The following TFEC variants were observed in gnomAD, a reference collection of about 807,000 sequenced individuals.
The protein encoded by TFEC is transcription factor EC.
Under a neutral mutation model 41.6 loss-of-function variants are expected in TFEC, and 31 were observed. That is an observed-to-expected ratio of 0.74 (90% CI 0.56 to 1.01). The LOEUF (loss-of-function observed/expected upper bound fraction) is 1.01, where lower values mean the gene tolerates loss of function less well. Among genes scored for constraint, TFEC ranks in the 50% least tolerant of loss-of-function variants. The pLI, the probability that TFEC is intolerant of heterozygous loss-of-function variation, is 0.00. For missense variants in TFEC, 402 were observed against 404.1 expected, an observed-to-expected ratio of 0.99 and a Z score of 0.04; for synonymous variants, 143 against 140.6, an observed-to-expected ratio of 1.02 and a Z score of -0.12.
chr7:115,998,926 C>T (rs1203375286), intron 1 of TFEC, among the ~76,000 whole-genome samples: 2 of 151,936 alleles, frequency 1.3e-5, no homozygotes, highest in Non-Finnish European at 2.9e-5. Context: ...AAGAGATCAT[C>T]CACACAGAAA....
At position 116,095,217 on chromosome 7, in the gene TFEC, CTT is replaced by C. The variant is rs563838970; in HGVS notation, c.198+15489_198+15490del. On this transcript the variant is annotated intron_variant, in intron 3 of 8. Coordinates refer to the TFEC transcript ENST00000484212. Reference sequence around the variant, plus strand: ...CCATAAAACCACTGAATTTTCAAAACTTTTTTGCCTTAACTCACCTTAAATCC... The same window carrying C: ...CCATAAAACCACTGAATTTTCAAAACTTTTGCCTTAACTCACCTTAAATCC... Among the ~76,000 whole-genome samples, 705 of 152,232 alleles carry C rather than the reference CTT, an allele frequency of 4.6e-3. 1 individual carries two copies. The highest frequency in any genetic ancestry group is 8.5e-3 in the Non-Finnish European group (580 of 68,010).
intron 3 of TFEC, among the ~76,000 whole-genome samples, chr7:115,961,448 T>C (rs990494120): frequency 6.6e-6 from 1 of 151,522 alleles, no homozygotes; most frequent in Non-Finnish European, 1.5e-5. Context: ...TAATAAATGA[T>C]AAAAATAGAT....
intron 3 of TFEC, among the ~76,000 whole-genome samples, chr7:116,078,601 T>C (rs932060410): frequency 2.0e-5 from 3 of 152,024 alleles, no homozygotes; most frequent in African/African-American, 4.8e-5. Context: ...GGATAAATTC[T>C]TGGAAATATA....
chr7:116,098,044 G>C (rs939807176), intron 3 of TFEC, among the ~76,000 whole-genome samples: 4 of 152,156 alleles, frequency 2.6e-5, no homozygotes, highest in African/African-American at 9.6e-5. Flanking sequence ...TCAATCAAAA[G>C]ATAGAGATTA....
chr7:116,152,748 T>G (rs1798786703), intron 1 of TFEC, among the ~76,000 whole-genome samples: 1 of 152,200 alleles, frequency 6.6e-6, no homozygotes, highest in Admixed American at 6.5e-5. Context: ...ATAAATATGT[T>G]TCTGAGCGAC....
At chr7:116,025,868 T>G (rs909744226) in intron 1 of TFEC, among the ~76,000 whole-genome samples, 1 of 152,208 alleles carries the variant, frequency 6.6e-6, no homozygotes, top group Admixed American at 6.5e-5. Context: ...TCTCTCTTCT[T>G]GCCAAAGGTA....
chr7:115,954,535 C>T (rs1317745591), intron 5 of TFEC, 51 bp downstream of exon 5: 14 of 1,504,882 alleles, frequency 9.3e-6, no homozygotes, highest in Non-Finnish European at 1.1e-5. Context: ...ACACCTTAAC[C>T]TCTATGCATT....
intron 3 of TFEC, chr7:115,968,359 T>G: frequency 1.4e-6 from 2 of 1,393,302 alleles, no homozygotes; most frequent in Non-Finnish European, 1.9e-6. Flanking sequence ...CTTGTCTAGA[T>G]TGTGATTGAC....
chr7:116,131,583 GAA>G (rs1798333687), intron 1 of TFEC, among the ~76,000 whole-genome samples: 1 of 151,896 alleles, frequency 6.6e-6, no homozygotes, highest in Admixed American at 6.6e-5. Flanking sequence ...TTGCCTCATA[GAA>G]AGAGTCCTCA....
intron 1 of TFEC, among the ~76,000 whole-genome samples, chr7:116,128,448 T>C (rs568421237): frequency 4.6e-5 from 7 of 152,266 alleles, no homozygotes; most frequent in African/African-American, 1.2e-4. Context: ...AGAATATAAC[T>C]GATGCCGGGG....
At chr7:115,983,161 T>C (rs1192897472) in intron 2 of TFEC, among the ~76,000 whole-genome samples, 1 of 152,150 alleles carries the variant, frequency 6.6e-6, no homozygotes, top group Non-Finnish European at 1.5e-5. Context: ...GATTCTACAT[T>C]CATTTTTTAG....
At chr7:115,946,116 C>T (rs1207601497) in intron 6 of TFEC, among the ~76,000 whole-genome samples, 1 of 151,466 alleles carries the variant, frequency 6.6e-6, no homozygotes, top group East Asian at 2.0e-4. Context: ...TTCCCATACA[C>T]CTTATTTGAT....
chr7:115,953,707 C>G (rs1323599123), intron 5 of TFEC, among the ~76,000 whole-genome samples: 1 of 151,960 alleles, frequency 6.6e-6, no homozygotes. Context: ...AATCATTTCT[C>G]AGAGGACTGT....
chr7:115,959,659 C>A (rs932230232), intron 3 of TFEC, among the ~76,000 whole-genome samples: 5 of 148,936 alleles, frequency 3.4e-5, no homozygotes, highest in African/African-American at 1.2e-4. Flanking sequence ...CCAAAGAGAC[C>A]AAGGAGAAAT....
intron 1 of TFEC, among the ~76,000 whole-genome samples, chr7:116,022,117 C>T (rs1449596758): frequency 6.6e-6 from 1 of 152,078 alleles, no homozygotes; most frequent in Non-Finnish European, 1.5e-5. Flanking sequence ...AGGTCTGAGA[C>T]ATGTGTCCTC....
intron 1 of TFEC, among the ~76,000 whole-genome samples, chr7:115,988,914 T>C: frequency 6.6e-6 from 1 of 152,128 alleles, no homozygotes; most frequent in African/African-American, 2.4e-5. Context: ...ATCTGACTCT[T>C]CCTTACAAAC....
chr7:116,137,419 CT>C (rs1156701620), intron 1 of TFEC, among the ~76,000 whole-genome samples: 2 of 152,076 alleles, frequency 1.3e-5, no homozygotes, highest in African/African-American at 4.8e-5. Context: ...AAAAGTGTTG[CT>C]TTTCGGCATT....
At chr7:115,991,027 G>A (rs1794085112) in intron 1 of TFEC, among the ~76,000 whole-genome samples, 1 of 152,172 alleles carries the variant, frequency 6.6e-6, no homozygotes, top group Non-Finnish European at 1.5e-5. Flanking sequence ...ACTAACAGCT[G>A]ATCTCTCCAC....
chr7:116,158,273 T>G (rs2116502773), intron 1 of TFEC, among the ~76,000 whole-genome samples: 1 of 152,266 alleles, frequency 6.6e-6, no homozygotes, highest in South Asian at 2.1e-4. Flanking sequence ...TAGAGTCTTT[T>G]TTAATGACTA....
Sources: allele counts gnomAD v4.1 joint callset (sites outside exome capture counted in the v4.1 genomes callset), GRCh38; gene constraint gnomAD v4.1.1; transcripts MANE v1.5; gene names NCBI Gene and HGNC (gene_info 2026-07-23, HGNC 2026-07-21).